IL4R: variants seen among roughly 807,000 people sequenced by gnomAD.
IL4R encodes the protein interleukin-4 receptor subunit alpha.
Under a neutral mutation model 41.5 loss-of-function variants are expected in IL4R, and 17 were observed. The observed-to-expected ratio is 0.41, with a 90% CI of 0.28 to 0.61. The LOEUF (loss-of-function observed/expected upper bound fraction) is 0.61, where lower values mean the gene tolerates loss of function less well. IL4R is among the 20% of genes least tolerant of loss of function. The probability of loss-of-function intolerance (pLI) is 0.31; values close to 1 mark genes in which losing one functional copy is unlikely to be tolerated. For synonymous variants in IL4R, 402 were observed against 422.9 expected (o/e 0.95, Z 0.61); for missense variants, 974 against 1,043.1 (o/e 0.93, Z 0.91).
At chr16:27,354,656 G>A (rs2085995965) in intron 7 of IL4R, among the ~76,000 whole-genome samples, 1 of 152,258 alleles carries the variant, frequency 6.6e-6, no homozygotes, top group Non-Finnish European at 1.5e-5. Context: ...GTTGAGTGAA[G>A]AAGACTGCTT....
chr16:27,346,880 A>G (rs1285863124), intron 6 of IL4R, among the ~76,000 whole-genome samples: 1 of 152,228 alleles, frequency 6.6e-6, no homozygotes, highest in Non-Finnish European at 1.5e-5. Context: ...GCTGTGGGCC[A>G]CATCTGTGTT....
chr16:27,344,703 T>A (rs927899173), intron 4 of IL4R, among the ~76,000 whole-genome samples, 166 bp from the exon 5 acceptor site: 13 of 152,218 alleles, frequency 8.5e-5, no homozygotes, highest in African/African-American at 3.1e-4. Flanking sequence ...CCTAGTCGGC[T>A]GCCCCAGCAC....
chr16:27,363,396 C>G lies in IL4R; in HGVS notation c.2044C>G (p.Pro682Ala). 1 of 1,614,128 alleles carries G rather than the reference C, an allele frequency of 6.2e-7. No individual in the cohort carries two copies. The highest frequency in any genetic ancestry group is 8.5e-7 in the Non-Finnish European group (1 of 1,180,006). ...CTCCCCAGAGCACCTGGGTCTGGAG[C>G]CGGGGGAAAAGGTAGAGGACATGCC... Reference protein sequence around the residue: ...SSSPEHLGLEPGEKVEDMPKP... With the variant: ...SSSPEHLGLEAGEKVEDMPKP... Residue 682 changes from proline (P) to alanine (A), a missense_variant, in exon 11 of 11, where the codon CCG (proline) becomes GCG (alanine). Pro to Ala is a conservative substitution (Grantham distance 27). Around this residue, in one of 3 missense-constraint regions of IL4R, gnomAD observed 682 missense variants for 704.3 expected, o/e 0.97. Transcript: ENST00000395762.
Position 27,340,274 on chromosome 16 carries a change from G to T in IL4R, c.70+1G>T, listed in dbSNP as rs2085398721. On this transcript the variant is annotated splice_donor_variant, in intron 3 of 10. Coordinates refer to ENST00000395762, the MANE Select transcript of IL4R (RefSeq NM_000418.4). LOFTEE classifies it high-confidence loss of function. ...GTCCTGCTGCAGGTGGCAAGCTCTG[G>T]TAAGTCACCACTTCTCAATCATTCA... 6.2e-7 allele frequency: 1 copy of T among 1,612,602 alleles called. No homozygotes were observed. Among genetic ancestry groups the T allele is most frequent in the African/African-American group, 1.3e-5 (1 of 74,898 alleles).
At chr16:27,344,043 G>A (rs536489676) in intron 4 of IL4R, among the ~76,000 whole-genome samples, 7 of 152,130 alleles carry the variant, frequency 4.6e-5, no homozygotes, top group South Asian at 4.1e-4. Context: ...GGTGGCTCGC[G>A]GCTGTAATCC....
intron 1 of IL4R, among the ~76,000 whole-genome samples, chr16:27,329,126 G>C (rs150170036): frequency 6.6e-6 from 1 of 152,120 alleles, no homozygotes; most frequent in South Asian, 2.1e-4. Context: ...GTTTAGAAGT[G>C]TGCGGCACCT....
chr16:27,360,012 C>CTT (rs367917837), intron 9 of IL4R, among the ~76,000 whole-genome samples: 4 of 138,830 alleles, frequency 2.9e-5, no homozygotes, highest in Admixed American at 1.4e-4. Context: ...TGACAGTTGG[C>CTT]TTTTTTTTTT....
In IL4R at chr16:27,360,746, T is replaced by A. The variant is rs746269184; in HGVS notation, c.850-20T>A. 6.2e-7 allele frequency: 1 copy of A among 1,614,094 alleles called. No individual in the cohort carries two copies. The highest frequency in any genetic ancestry group is 8.5e-7 in the Non-Finnish European group (1 of 1,180,028). On this transcript the variant is annotated intron_variant, in intron 9 of 10. Transcript: ENST00000395762. ...CTGCAAGGCCACTCTGCTCTTTCAT[T>A]GGCTGTCTCTGTATTTTAGGGGTCA...
intron 1 of IL4R, among the ~76,000 whole-genome samples, chr16:27,322,564 G>C (rs2084845123): frequency 6.6e-6 from 1 of 152,104 alleles, no homozygotes; most frequent in East Asian, 1.9e-4. Flanking sequence ...CTAAAAATTA[G>C]CTGGGTGTGG....
chr16:27,355,265 C>G, intron 7 of IL4R: 5 of 266,060 alleles, frequency 1.9e-5, no homozygotes, highest in Non-Finnish European at 3.9e-5. Context: ...GGGAGGGTGT[C>G]GGGGAAAACT....
At chr16:27,346,038 C>T (rs997404069) in intron 5 of IL4R, among the ~76,000 whole-genome samples, 2 of 151,652 alleles carry the variant, frequency 1.3e-5, no homozygotes, top group Admixed American at 6.6e-5. Context: ...TACTTTGGCT[C>T]ATACACTTTG....
At position 27,362,512 on chromosome 16, in the gene IL4R, C is replaced by T. The variant is rs6413500; in HGVS notation, c.1160C>T (p.Ser387Leu). 8,125 of 1,614,130 alleles carry T rather than the reference C, an allele frequency of 5.0e-3. 35 individuals are homozygous for T. The highest frequency in any genetic ancestry group is 6.2e-3 in the Non-Finnish European group (7,274 of 1,180,040). Residue 387 changes from serine (S) to leucine (L), a missense_variant, in exon 11 of 11, where the codon TCG becomes TTG. By Grantham distance (145) the Ser-to-Leu change is moderately radical (BLOSUM62 -2). This residue lies in a region of IL4R where 682 missense variants were observed against 704.3 expected (regional missense o/e 0.97). Coordinates refer to ENST00000395762, the MANE Select transcript of IL4R (RefSeq NM_000418.4). ...GAAGAAAAAGGGAGCTTCTGTGCAT[C>T]GCCTGAGAGCAGCAGGGATGACTTC... ...VEEEKGSFCASPESSRDDFQE... is the reference protein window; with the variant it reads ...VEEEKGSFCALPESSRDDFQE...
At chr16:27,334,512 C>T (rs1037694302) in intron 2 of IL4R, 4 of 152,024 alleles carry the variant, frequency 2.6e-5, no homozygotes, top group African/African-American at 9.7e-5. Context: ...TTGTTGACTC[C>T]CCTGTTTCCC....
At chr16:27,332,176 C>T (rs1371601375) in intron 2 of IL4R, among the ~76,000 whole-genome samples, 2 of 151,974 alleles carry the variant, frequency 1.3e-5, no homozygotes, top group Non-Finnish European at 2.9e-5. Flanking sequence ...AGTTTGTTCT[C>T]ATGCTGCTCT....
chr16:27,356,084 C>CTTTTTTTTT (rs36125482), intron 8 of IL4R, among the ~76,000 whole-genome samples, 177 bp downstream of exon 8: 43 of 113,718 alleles, frequency 3.8e-4, no homozygotes, highest in African/African-American at 1.2e-3. Context: ...CCACTTTTTT[C>CTTTTTTTTT]TTTTTTTTTT....
chr16:27,343,683 G>C (rs3024552), intron 4 of IL4R, among the ~76,000 whole-genome samples: 73,283 of 151,926 alleles, frequency 0.48, 18,192 homozygotes, highest in African/African-American at 0.6. Flanking sequence ...CCGCCTCAGC[G>C]TCCCAAAGTG....
chr16:27,347,961 A>G (rs535558628), intron 6 of IL4R, among the ~76,000 whole-genome samples: 1 of 152,278 alleles, frequency 6.6e-6, no homozygotes, highest in South Asian at 2.1e-4. Context: ...GGCCACAGAG[A>G]TCCCCATCTG....
intron 8 of IL4R, 87 bp downstream of exon 8, chr16:27,355,994 C>T: frequency 1.2e-6 from 1 of 827,494 alleles, no homozygotes; most frequent in Non-Finnish European, 2.1e-6. Context: ...CCTTTGCAGT[C>T]CTCTCAGTCA....
chr16:27,363,550 G>A lies in IL4R; in HGVS notation c.2198G>A (p.Gly733Asp). ...HLKQCHGQED[G>D]GQTPVMASPC... ...AAACAGTGTCATGGCCAGGAGGATG[G>A]TGGCCAGACCCCTGTCATGGCCAGT... The change falls in exon 11 of 11, where the codon GGT (glycine) becomes GAT (aspartate). Residue 733 changes from glycine to aspartate, a missense_variant. By Grantham distance (94) the Gly-to-Asp change is moderately conservative (BLOSUM62 -1). Around this residue, in one of 3 missense-constraint regions of IL4R, gnomAD observed 682 missense variants for 704.3 expected, o/e 0.97. Coordinates refer to ENST00000395762, the MANE Select transcript of IL4R (RefSeq NM_000418.4). 1 of 1,614,140 alleles carries A rather than the reference G, an allele frequency of 6.2e-7. No individual in the cohort carries two copies. Among genetic ancestry groups the A allele is most frequent in the East Asian group, 2.2e-5 (1 of 44,878 alleles).
Sources: gnomAD v4.1 joint callset for allele counts (sites outside exome capture counted in the v4.1 genomes callset) on GRCh38, gnomAD v4.1.1 for gene constraint, gnomAD v4.1.1 regional missense constraint, MANE v1.5 for transcripts, NCBI Gene and HGNC (gene_info 2026-07-23, HGNC 2026-07-21) for gene names.